Variants in USP39 observed in about 807,000 individuals in gnomAD.
USP39 encodes the protein ubiquitin specific peptidase 39.
USP39 carries 38 observed loss-of-function variants against 66.4 expected under a neutral mutation model. The observed-to-expected ratio is 0.57, with a 90% CI of 0.44 to 0.75. USP39 has a LOEUF of 0.75. USP39 is among the 30% of genes least tolerant of loss of function. USP39 has a pLI of 0.00. For missense variants in USP39, 608 were observed against 714.4 expected, an observed-to-expected ratio of 0.85 and a Z score of 1.70; for synonymous variants, 303 against 274.6, an observed-to-expected ratio of 1.10 and a Z score of -1.02.
upstream of USP39, among the ~76,000 whole-genome samples, chr2:85,609,958 G>C (rs1673401527): frequency 6.6e-6 from 1 of 151,492 alleles, no homozygotes; most frequent in South Asian, 2.1e-4. Context: ...TGGGATTACA[G>C]GCGTGAGCCA....
chr2:85,604,458 C>T (rs1290023185), intron 1 of USP39, among the ~76,000 whole-genome samples: 3 of 152,096 alleles, frequency 2.0e-5, no homozygotes, highest in African/African-American at 4.8e-5. Context: ...GTGATCCGCT[C>T]GCCTTGGCCT....
At chr2:85,615,438 G>C (rs147417904), upstream of USP39, among the ~76,000 whole-genome samples, 6 of 152,304 alleles carry the variant, frequency 3.9e-5, no homozygotes, top group African/African-American at 1.4e-4. Context: ...TAGCTTCATG[G>C]TAAATCTGCC....
At chr2:85,628,071 C>T (rs1262215300) in intron 5 of USP39, among the ~76,000 whole-genome samples, 1 of 152,082 alleles carries the variant, frequency 6.6e-6, no homozygotes, top group East Asian at 1.9e-4. Flanking sequence ...CATGCCTAGT[C>T]TCTGGAAAGG....
In USP39 at chr2:85,644,279, A is replaced by G. The variant is rs538462467; in HGVS notation, c.1428-669A>G. On this transcript the variant is annotated intron_variant, in intron 10 of 12. Transcript: ENST00000323701. ...CACATCAGACAACTTTTATGATGCAATGTCTTTTTTTTTATTTTACCTTGT... is the reference window on the plus strand; with the variant it reads ...CACATCAGACAACTTTTATGATGCAGTGTCTTTTTTTTTATTTTACCTTGT... Among the ~76,000 whole-genome samples, 10 of 152,252 alleles carry G rather than the reference A, an allele frequency of 6.6e-5. No homozygotes were observed. In the South Asian group the frequency reaches 1.9e-3, roughly 28 times the overall value.
At chr2:85,634,575 C>T (rs569631517) in intron 6 of USP39, among the ~76,000 whole-genome samples, 7 of 152,050 alleles carry the variant, frequency 4.6e-5, no homozygotes, top group South Asian at 4.2e-4. Flanking sequence ...CGCTGTGTCG[C>T]GAAGAAAAAA....
chr2:85,630,823 C>T lies in USP39; in HGVS notation c.826C>T (p.Arg276Cys), dbSNP rs1675265279. 11 of 1,614,068 alleles carry T rather than the reference C, an allele frequency of 6.8e-6. No homozygotes were observed. The highest frequency in any genetic ancestry group is 1.3e-5 in the African/African-American group (1 of 74,918). ...GGATATCATGTTCTTGTTGGTCCAG[C>T]GTTTTGGAGAGCTGATGAGAAAGCT... Reference protein sequence around the residue: ...PGDIMFLLVQRFGELMRKLWN... With the variant: ...PGDIMFLLVQCFGELMRKLWN... Residue 276 changes from arginine to cysteine, a missense_variant, in exon 6 of 13, where the codon CGT (arginine) becomes TGT (cysteine). This residue lies in a region of USP39 where 17 missense variants were observed against 38.0 expected (regional missense o/e 0.45). Transcript: ENST00000323701.
intron 5 of USP39, among the ~76,000 whole-genome samples, chr2:85,630,371 C>T (rs550628011): frequency 1.1e-4 from 16 of 152,196 alleles, no homozygotes; most frequent in Admixed American, 5.9e-4. Context: ...AGCCTTCTGC[C>T]TTATGAATTT....
chr2:85,610,013 GTTT>G (rs552989319), upstream of USP39, among the ~76,000 whole-genome samples: 76 of 125,150 alleles, frequency 6.1e-4, no homozygotes, highest in African/African-American at 2.3e-3. Flanking sequence ...AGTGTAAGTG[GTTT>G]TTTTTTTTTT....
chr2:85,603,165 C>G (rs1224677049), intron 1 of USP39: 7 of 152,350 alleles, frequency 4.6e-5, no homozygotes, highest in Non-Finnish European at 1.0e-4. Context: ...GAAGCAGACA[C>G]AAAGACTTGG....
At position 85,630,939 on chromosome 2, in the gene USP39, C is replaced by A; in HGVS notation, c.942C>A (p.Thr314=). The A allele has an allele frequency of 6.2e-7, 1 of 1,613,760 alleles. No individual in the cohort carries two copies. The highest frequency in any genetic ancestry group is 2.2e-5 in the East Asian group (1 of 44,886). ...GCAGTAAGAAGACTTTTCAGATCACCAAACAAGGTAAGAACAAGTCATTCA... is the reference window on the plus strand; with the variant it reads ...GCAGTAAGAAGACTTTTCAGATCACAAAACAAGGTAAGAACAAGTCATTCA... ...VLCSKKTFQI[T]KQGDGVDFLS... is the part of the protein sequence containing the mutation. Residue 314 remains threonine (T), a synonymous_variant, in exon 6 of 13, where the codon ACC becomes ACA. Coordinates refer to ENST00000323701, the MANE Select transcript of USP39 (RefSeq NM_006590.4).
Position 85,639,305 on chromosome 2 carries a change from CT to C in USP39, c.1199del (p.Leu400ProfsTer39). On this transcript the variant is annotated frameshift_variant, in exon 9 of 13. Transcript: ENST00000323701. LOFTEE classifies it high-confidence loss of function. ...GACGCTGGACCTTCCTACTGCCCCC[CT>C]CTACAAGGACGAGAAGGAGCAGCTC... The part of the protein sequence containing the change: ...YLTLDLPTAP[L>X]YKDEKEQLII... 2.5e-6 allele frequency: 4 copies of C among 1,614,092 alleles called. No individual in the cohort carries two copies. Among genetic ancestry groups the C allele is most frequent in the Non-Finnish European group, 3.4e-6 (4 of 1,180,030 alleles).
At chr2:85,621,393 G>A in intron 2 of USP39, 92 bp from the exon 3 acceptor site, 1 of 1,025,610 alleles carries the variant, frequency 9.8e-7, no homozygotes, top group Non-Finnish European at 1.5e-6. Context: ...AGGATGTTAT[G>A]TGGTATCATG....
rs1287741103 is a variant in USP39 at position 85,616,481 on chromosome 2, G to C, written c.268+18G>C. The C allele has an allele frequency of 6.9e-7, 1 of 1,455,782 alleles. No homozygotes were observed. Among genetic ancestry groups the C allele is most frequent in the South Asian group, 1.4e-5 (1 of 71,786 alleles). The allele number at this position is 1,455,782 out of a possible 1,614,324, so 90.2% of individuals were successfully genotyped here. A position where few individuals can be genotyped will look rare whatever the true frequency, so the allele number is the denominator to read the frequency against. ...GGTGCGAGGTGCGCGGGGCCGGGCC[G>C]GGCTAGGCGCGAGAGCCTGTTTTTT... is the stretch of plus-strand genomic sequence containing the variant. On this transcript the variant is annotated intron_variant, in intron 1 of 12. Transcript: ENST00000323701.
upstream of USP39, among the ~76,000 whole-genome samples, chr2:85,615,761 G>C (rs1673876396): frequency 6.6e-6 from 1 of 152,332 alleles, no homozygotes; most frequent in Admixed American, 6.5e-5. Flanking sequence ...CTCCCGAGTA[G>C]CTGGGATTAC....
intron 10 of USP39, 96 bp downstream of exon 10, chr2:85,641,214 G>C: frequency 6.7e-7 from 1 of 1,482,614 alleles, no homozygotes; most frequent in South Asian, 1.2e-5. Flanking sequence ...GTCTTAGTTG[G>C]GGATTACAAG....
intron 6 of USP39, 68 bp from the exon 7 acceptor site, chr2:85,635,985 A>T: frequency 6.8e-7 from 1 of 1,465,904 alleles, no homozygotes; most frequent in Non-Finnish European, 9.6e-7. Context: ...AATGCCAACC[A>T]GTGCATGGTT....
At position 85,636,138 on chromosome 2, in the gene USP39, A is replaced by G. The variant is rs956987105; in HGVS notation, c.1027+8A>G. 1.2e-6 allele frequency: 2 copies of G among 1,612,182 alleles called. No individual in the cohort carries two copies. Among genetic ancestry groups the G allele is most frequent in the Non-Finnish European group, 1.7e-6 (2 of 1,179,298 alleles). ...CAAAGAAGAAAAAGAAGAGTAAGTC[A>G]TTTACTTATAAAAAGGAGTTATTTT... On this transcript the variant is annotated splice_region_variant and intron_variant, in intron 7 of 12. Coordinates refer to ENST00000323701, the MANE Select transcript of USP39 (RefSeq NM_006590.4).
At chr2:85,630,609 A>G (rs1176444251) in intron 5 of USP39, 112 bp from the exon 6 acceptor site, 14 of 1,018,594 alleles carry the variant, frequency 1.4e-5, no homozygotes, top group Admixed American at 2.4e-5. Flanking sequence ...TTGGCTCTTT[A>G]AGGCCATCAC....
chr2:85,615,631 T>C (rs1397795507), upstream of USP39, among the ~76,000 whole-genome samples: 1 of 152,104 alleles, frequency 6.6e-6, no homozygotes, highest in Non-Finnish European at 1.5e-5. Context: ...TGGGGCCGAA[T>C]GACAGCTTCT....
Sources: allele counts gnomAD v4.1 joint callset (sites outside exome capture counted in the v4.1 genomes callset), GRCh38; gene constraint gnomAD v4.1.1; regional missense constraint gnomAD v4.1.1; transcripts MANE v1.5; gene names NCBI Gene and HGNC (gene_info 2026-07-23, HGNC 2026-07-21).